ATXN1: variants seen among roughly 807,000 people sequenced by gnomAD.
ATXN1 encodes the protein ataxin-1.
Under a neutral mutation model 56.4 loss-of-function variants are expected in ATXN1, and 8 were observed. The ratio of observed to expected loss-of-function variants is 0.14; its 90% confidence interval spans 0.08 to 0.26. The LOEUF (loss-of-function observed/expected upper bound fraction) is 0.26. Among genes scored for constraint, ATXN1 ranks in the 10% least tolerant of loss-of-function variants. ATXN1 has a pLI of 1.00. For synonymous variants in ATXN1, 514 were observed against 494.6 expected, an observed-to-expected ratio of 1.04 and a Z score of -0.52; for missense variants, 987 against 1,106.5, an observed-to-expected ratio of 0.89 and a Z score of 1.53.
intron 4 of ATXN1, among the ~76,000 whole-genome samples, chr6:16,562,446 GAAAGA>G (rs1762136799): frequency 1.1e-5 from 1 of 94,210 alleles, no homozygotes; most frequent in Admixed American, 1.2e-4. Context: ...GAAAAGAAAA[GAAAGA>G]AAAGGAGAGG....
chr6:16,497,920 T>C (rs1760809809), intron 5 of ATXN1, among the ~76,000 whole-genome samples: 1 of 152,098 alleles, frequency 6.6e-6, no homozygotes. Flanking sequence ...AAGGGTAAAA[T>C]GACTGGTTTA....
chr6:16,651,848 G>C (rs139589609), intron 3 of ATXN1: 1 of 152,332 alleles, frequency 6.6e-6, no homozygotes, highest in East Asian at 1.9e-4. Flanking sequence ...AGCATGTGCG[G>C]TAACAAACTC....
chr6:16,521,471 T>C (rs1369995312), intron 5 of ATXN1, among the ~76,000 whole-genome samples: 2 of 152,166 alleles, frequency 1.3e-5, no homozygotes, highest in Non-Finnish European at 2.9e-5. Flanking sequence ...GGCAGGAGAA[T>C]GGCGTGAACC....
chr6:16,735,621 C>T (rs1760102247), intron 2 of ATXN1, among the ~76,000 whole-genome samples: 1 of 152,002 alleles, frequency 6.6e-6, no homozygotes, highest in Non-Finnish European at 1.5e-5. Context: ...CAGACAAAAT[C>T]CAGCAGTAAT....
At chr6:16,625,502 C>T (rs557809394) in intron 3 of ATXN1, among the ~76,000 whole-genome samples, 79 of 152,210 alleles carry the variant, frequency 5.2e-4, no homozygotes, top group Non-Finnish European at 1.0e-3. Flanking sequence ...AGCTTACAAT[C>T]GCTTTGGAGA....
At chr6:16,597,471 C>T (rs1386590710) in intron 3 of ATXN1, among the ~76,000 whole-genome samples, 2 of 147,222 alleles carry the variant, frequency 1.4e-5, no homozygotes, top group Admixed American at 1.4e-4. Context: ...CAGAGTCTTG[C>T]TCTGTCACCC....
At chr6:16,380,914 G>GT (rs1758093640) in intron 6 of ATXN1, among the ~76,000 whole-genome samples, 1 of 152,188 alleles carries the variant, frequency 6.6e-6, no homozygotes, top group African/African-American at 2.4e-5. Flanking sequence ...TGGAAATAGG[G>GT]TTGTTGCAGA....
chr6:16,736,395 A>T (rs1368930125), intron 2 of ATXN1, among the ~76,000 whole-genome samples: 1 of 152,248 alleles, frequency 6.6e-6, no homozygotes, highest in African/African-American at 2.4e-5. Flanking sequence ...TATCTAACAC[A>T]ACAGTTCTCC....
At position 16,596,980 on chromosome 6, in the gene ATXN1, T is replaced by C. The variant is rs187976701; in HGVS notation, c.-488-11073A>G. ...CAGGGACAGCCTTCCTGCTCCCTGA[T>C]TGGGTGTCTCGCTGGCTGTGCACTC... On this transcript the variant is annotated intron_variant, in intron 3 of 7. Coordinates refer to ENST00000436367, the MANE Select transcript of ATXN1 (RefSeq NM_001128164.2). Among the ~76,000 whole-genome samples the C allele has an allele frequency of 5.3e-5, 8 of 152,350 alleles. No individual in the cohort carries two copies. In the East Asian group the frequency reaches 9.6e-4, roughly 18 times the overall value.
intron 2 of ATXN1, among the ~76,000 whole-genome samples, chr6:16,675,688 C>A (rs1483482820): frequency 6.6e-6 from 1 of 151,946 alleles, no homozygotes; most frequent in Non-Finnish European, 1.5e-5. Flanking sequence ...CAAGACCAGT[C>A]TGACTGACAT....
intron 3 of ATXN1, among the ~76,000 whole-genome samples, chr6:16,606,775 G>A (rs1288237519): frequency 1.1e-4 from 16 of 151,416 alleles, no homozygotes; most frequent in Non-Finnish European, 1.6e-4. Flanking sequence ...TGATCCGCCC[G>A]CCTCAGCCTC....
intron 4 of ATXN1, among the ~76,000 whole-genome samples, chr6:16,543,638 A>AG (rs1761757910): frequency 4.0e-5 from 6 of 148,364 alleles, no homozygotes; most frequent in African/African-American, 1.5e-4. Flanking sequence ...TTCCTAAAAA[A>AG]AAAAAAAAAA....
At chr6:16,759,602 T>C (rs1221496173) in intron 1 of ATXN1, among the ~76,000 whole-genome samples, 1 of 149,738 alleles carries the variant, frequency 6.7e-6, no homozygotes, top group African/African-American at 2.5e-5. Context: ...CAAATATTTA[T>C]ATTACCCTTT....
At chr6:16,637,315 G>C (rs971907673) in intron 3 of ATXN1, among the ~76,000 whole-genome samples, 21 of 147,294 alleles carry the variant, frequency 1.4e-4, no homozygotes, top group African/African-American at 5.0e-4. Flanking sequence ...TTGGTCACAG[G>C]AAGGGGAACA....
At chr6:16,726,157 G>T (rs1759844181) in intron 2 of ATXN1, among the ~76,000 whole-genome samples, 2 of 152,134 alleles carry the variant, frequency 1.3e-5, no homozygotes, top group African/African-American at 4.8e-5. Flanking sequence ...AAGGCAGGCG[G>T]ATCACCTGAG....
intron 2 of ATXN1, among the ~76,000 whole-genome samples, chr6:16,678,021 C>T (rs547301252): frequency 2.6e-5 from 4 of 152,164 alleles, no homozygotes; most frequent in Non-Finnish European, 5.9e-5. Context: ...ATGTTTTTAG[C>T]ACAAAATTCT....
intron 5 of ATXN1, 107 bp from the exon 6 acceptor site, chr6:16,486,216 T>A (rs1456990256): frequency 6.6e-6 from 1 of 152,214 alleles, no homozygotes; most frequent in Non-Finnish European, 1.5e-5. Flanking sequence ...AATTGATAGT[T>A]CACCAAAGAC....
In ATXN1 at chr6:16,467,017, A is replaced by C. The variant is rs115142386; in HGVS notation, c.-161+18955T>G. Among the ~76,000 whole-genome samples the C allele has an allele frequency of 6.2e-3, 943 of 152,316 alleles. 5 individuals are homozygous for C. The highest frequency in any genetic ancestry group is 0.021 in the African/African-American group (890 of 41,564). ...CTGTGGTGCAGCCTCGCATAACATA[A>C]ATGACTTCAACAGCCACATCCTGAT... On this transcript the variant is annotated intron_variant, in intron 6 of 7. Transcript: ENST00000436367.
At chr6:16,618,107 T>C (rs923065714) in intron 3 of ATXN1, among the ~76,000 whole-genome samples, 1 of 151,600 alleles carries the variant, frequency 6.6e-6, no homozygotes, top group Non-Finnish European at 1.5e-5. Flanking sequence ...GATCATGTCC[T>C]TTACAGGGAC....
Sources: allele counts gnomAD v4.1 joint callset (sites outside exome capture counted in the v4.1 genomes callset), GRCh38; gene constraint gnomAD v4.1.1; transcripts MANE v1.5; gene names NCBI Gene and HGNC (gene_info 2026-07-23, HGNC 2026-07-21).